Variants in ZNF431 observed in about 807,000 individuals in gnomAD.
ZNF431 encodes the protein zinc finger protein 431.
In ZNF431, 34 loss-of-function variants were observed where a neutral mutation model predicts 57.0. That is an observed-to-expected ratio of 0.60 (90% confidence interval 0.45 to 0.79). ZNF431 has a LOEUF of 0.79. Ranked by LOEUF, ZNF431 falls within the 30% of genes least tolerant of loss-of-function variation. ZNF431 has a pLI of 0.00. For missense variants in ZNF431, 607 were observed against 667.1 expected (o/e 0.91, Z 0.99); for synonymous variants, 207 against 220.3 (o/e 0.94, Z 0.54).
rs989278182 is a variant in ZNF431 at position 21,191,159 on chromosome 19, A to G, written c.*7125A>G. 3 of 152,054 alleles carry G rather than the reference A, an allele frequency of 2.0e-5. No homozygotes were observed. The highest frequency in any genetic ancestry group is 2.9e-5 in the Non-Finnish European group (2 of 68,038). 9.4% of individuals were successfully genotyped at this position (152,054 alleles called of 1,614,324 possible). A position where few individuals can be genotyped will look rare whatever the true frequency, so the allele number is the denominator to read the frequency against. On this transcript the variant is annotated 3_prime_UTR_variant, in exon 5 of 5. Transcript: ENST00000311048. Reference sequence around the variant, plus strand: ...TTGTGTCCTGGGATGTTTAGGTTAAATCAAAAAACTTGCGGCCAGGCGCAG... The same window carrying G: ...TTGTGTCCTGGGATGTTTAGGTTAAGTCAAAAAACTTGCGGCCAGGCGCAG...
At chr19:21,171,712 A>ATTTTTTTT (rs550012306) in intron 4 of ZNF431, among the ~76,000 whole-genome samples, 1 of 90,902 alleles carries the variant, frequency 1.1e-5, no homozygotes, top group African/African-American at 4.6e-5. Flanking sequence ...ATATATATAT[A>ATTTTTTTT]TTTTTTTTTT....
At chr19:21,155,729 C>G (rs1970399165) in intron 2 of ZNF431, among the ~76,000 whole-genome samples, 1 of 152,104 alleles carries the variant, frequency 6.6e-6, no homozygotes, top group Non-Finnish European at 1.5e-5. Context: ...TCTATGCTGA[C>G]TCTGGGTGGT....
chr19:21,143,859 G>A (rs993345159), intron 2 of ZNF431, among the ~76,000 whole-genome samples: 3 of 151,986 alleles, frequency 2.0e-5, no homozygotes, highest in Non-Finnish European at 4.4e-5. Context: ...AGATAAAATA[G>A]TATCCCAAAA....
chr19:21,161,178 A>G (rs934563528), intron 2 of ZNF431, among the ~76,000 whole-genome samples: 5 of 152,030 alleles, frequency 3.3e-5, no homozygotes, highest in African/African-American at 1.2e-4. Context: ...AAATAAATAA[A>G]TAAATAAATA....
rs1221047501 is a variant in ZNF431 at position 21,193,084 on chromosome 19, A to G, written c.*9050A>G. 3 of 152,234 alleles carry G rather than the reference A, an allele frequency of 2.0e-5. No individual in the cohort carries two copies. Among genetic ancestry groups the G allele is most frequent in the Non-Finnish European group, 4.4e-5 (3 of 68,040 alleles). The allele number at this position is 152,234 out of a possible 1,614,324, so 9.4% of individuals were successfully genotyped here. Reference sequence around the variant, plus strand: ...TAATGAAATTGAATTAATAATTTAAAAAACCTACCAACTATAAGGAGCCCT... The same window carrying G: ...TAATGAAATTGAATTAATAATTTAAGAAACCTACCAACTATAAGGAGCCCT... On this transcript the variant is annotated 3_prime_UTR_variant, in exon 5 of 5. Coordinates refer to ENST00000311048, the MANE Select transcript of ZNF431 (RefSeq NM_133473.4).
rs1268117423 is a variant in ZNF431, at chr19:21,183,721, C to A, written c.1418C>A (p.Thr473Lys). 1 of 1,611,134 alleles carries A rather than the reference C, an allele frequency of 6.2e-7. No individual in the cohort carries two copies. The highest frequency in any genetic ancestry group is 1.3e-5 in the African/African-American group (1 of 74,104). The change falls in exon 5 of 5, where the codon ACA becomes AAA. Residue 473 changes from threonine to lysine, a missense_variant. Physicochemically the swap from Thr to Lys is moderately conservative, Grantham distance 78. Coordinates refer to ENST00000311048, the MANE Select transcript of ZNF431 (RefSeq NM_133473.4). ...KAFSQSSILT[T>K]HKRIHTGEKP... ...TTTAGCCAGTCATCAATCCTTACTA[C>A]ACATAAGAGAATTCACACTGGAGAG...
In ZNF431 at chr19:21,192,757, C is replaced by T. The variant is rs1971533098; in HGVS notation, c.*8723C>T. 1 of 152,062 alleles carries T rather than the reference C, an allele frequency of 6.6e-6. No individual in the cohort carries two copies. Among genetic ancestry groups the T allele is most frequent in the Non-Finnish European group, 1.5e-5 (1 of 68,006 alleles). 9.4% of individuals were successfully genotyped at this position (152,062 alleles called of 1,614,324 possible). A position where few individuals can be genotyped will look rare whatever the true frequency, so the allele number is the denominator to read the frequency against. ...TATATGGCATTTATTGGCTGAAGTG[C>T]ATTTGTTCTATACCTAATTTTTTCA... On this transcript the variant is annotated 3_prime_UTR_variant, in exon 5 of 5. Coordinates refer to ENST00000311048, the MANE Select transcript of ZNF431 (RefSeq NM_133473.4).
chr19:21,181,442 A>T (rs1015071803), intron 4 of ZNF431, among the ~76,000 whole-genome samples: 21 of 151,898 alleles, frequency 1.4e-4, no homozygotes, highest in Admixed American at 1.4e-3. Context: ...GTTTTTGTTG[A>T]CAGTTCACCG....
chr19:21,156,251 C>G (rs532176128), intron 2 of ZNF431, among the ~76,000 whole-genome samples: 4 of 152,372 alleles, frequency 2.6e-5, no homozygotes, highest in Middle Eastern at 3.4e-3. Context: ...TGTTCATAAT[C>G]TCATCTGCCT....
Position 21,188,550 on chromosome 19 carries a change from G to A in ZNF431, c.*4516G>A, listed in dbSNP as rs1193218919. ...ACAAAATAATGAAATGACTTCAGTG[G>A]ATTTAAAATTTTGAAAAATAATGTC... On this transcript the variant is annotated 3_prime_UTR_variant, in exon 5 of 5. Coordinates refer to ENST00000311048, the MANE Select transcript of ZNF431 (RefSeq NM_133473.4). The A allele has an allele frequency of 6.6e-6, 1 of 152,068 alleles. No individual in the cohort carries two copies. The highest frequency in any genetic ancestry group is 6.6e-5 in the Admixed American group (1 of 15,244). The allele number at this position is 152,068 out of a possible 1,614,324, so 9.4% of individuals were successfully genotyped here.
chr19:21,173,818 C>A, intron 4 of ZNF431, among the ~76,000 whole-genome samples: 1 of 152,088 alleles, frequency 6.6e-6, no homozygotes, highest in Non-Finnish European at 1.5e-5. Flanking sequence ...TGAGCCACCA[C>A]GCCTGGCCTC....
At chr19:21,143,930 C>G (rs529999634) in intron 2 of ZNF431, among the ~76,000 whole-genome samples, 84 of 152,004 alleles carry the variant, frequency 5.5e-4, no homozygotes, top group African/African-American at 2.0e-3. Context: ...GGTGTAAGAA[C>G]TTGCAAAGTA....
Position 21,185,109 on chromosome 19 carries a change from A to G in ZNF431, c.*1075A>G, listed in dbSNP as rs1048709766. On this transcript the variant is annotated 3_prime_UTR_variant, in exon 5 of 5. Transcript: ENST00000311048. ...AGATGCAGTAAAAGTAAAATATTTAATCCATAATTAAGTCTATGCAAATAT... is the reference window on the plus strand; with the variant it reads ...AGATGCAGTAAAAGTAAAATATTTAGTCCATAATTAAGTCTATGCAAATAT... 2.0e-5 allele frequency: 3 copies of G among 152,210 alleles called. No individual in the cohort carries two copies. The highest frequency in any genetic ancestry group is 4.4e-5 in the Non-Finnish European group (3 of 68,034). The allele number at this position is 152,210 out of a possible 1,614,324, so 9.4% of individuals were successfully genotyped here.
In ZNF431 at chr19:21,194,317, C is replaced by A. The variant is rs1002468994; in HGVS notation, c.*10283C>A. The stretch of plus-strand genomic sequence containing the variant: ...ATCAAACCAGGGAGGTAAAATATCT[C>A]TACAAGAACTAGAAAACATTACTGA... On this transcript the variant is annotated 3_prime_UTR_variant, in exon 5 of 5. Transcript: ENST00000311048. 1.3e-5 allele frequency: 2 copies of A among 152,098 alleles called. No homozygotes were observed. Among genetic ancestry groups the A allele is most frequent in the African/African-American group, 4.8e-5 (2 of 41,430 alleles). 9.4% of individuals were successfully genotyped at this position (152,098 alleles called of 1,614,324 possible).
chr19:21,158,052 G>C (rs1210722752), intron 2 of ZNF431, among the ~76,000 whole-genome samples: 2 of 152,076 alleles, frequency 1.3e-5, no homozygotes, highest in Non-Finnish European at 2.9e-5. Context: ...TTTTAAAATA[G>C]TTATTTTTTA....
At chr19:21,142,711 A>G (rs1359125810) in intron 1 of ZNF431, among the ~76,000 whole-genome samples, 3 of 152,214 alleles carry the variant, frequency 2.0e-5, no homozygotes. Flanking sequence ...ACTTTTATAA[A>G]AAGCATGATG....
chr19:21,167,406 G>A (rs566164718), intron 3 of ZNF431, among the ~76,000 whole-genome samples, 165 bp from the exon 4 acceptor site: 71 of 152,176 alleles, frequency 4.7e-4, no homozygotes, highest in African/African-American at 1.6e-3. Context: ...TGATCTGTCC[G>A]TCTCGGCCTC....
chr19:21,173,550 G>A (rs1486774485), intron 4 of ZNF431, among the ~76,000 whole-genome samples: 1 of 152,058 alleles, frequency 6.6e-6, no homozygotes, highest in African/African-American at 2.4e-5. Context: ...GAGTCTTGCT[G>A]TTGTCATCCA....
Position 21,155,869 on chromosome 19 carries a change from A to G in ZNF431, c.97-10466A>G, listed in dbSNP as rs144369573. ...CCTGGTATAAAATGAGTGTCTGCAA[A>G]TGGGAGGCTCTTCTCTCCTGCACAC... On this transcript the variant is annotated intron_variant, in intron 2 of 4. Coordinates refer to ENST00000311048, the MANE Select transcript of ZNF431 (RefSeq NM_133473.4). 4.1e-3 allele frequency among the ~76,000 whole-genome samples: 627 copies of G among 152,250 alleles called. 4 individuals are homozygous for G. Among genetic ancestry groups the G allele is most frequent in the African/African-American group, 0.014 (581 of 41,568 alleles).
Sources: gnomAD v4.1 joint callset for allele counts (sites outside exome capture counted in the v4.1 genomes callset) on GRCh38, gnomAD v4.1.1 for gene constraint, MANE v1.5 for transcripts, NCBI Gene and HGNC (gene_info 2026-07-23, HGNC 2026-07-21) for gene names.